The following PHKB variants were observed in gnomAD, a reference collection of about 807,000 sequenced individuals.
PHKB encodes phosphorylase kinase regulatory subunit beta, also known as phosphorylase b kinase regulatory subunit beta.
A neutral mutation model predicts 152.1 loss-of-function variants in PHKB; 122 were observed. The ratio of observed to expected loss-of-function variants is 0.80; its 90% CI spans 0.69 to 0.93. The LOEUF is 0.93. Ranked by LOEUF, PHKB falls within the 40% of genes least tolerant of loss-of-function variation. The pLI is 0.00. For synonymous variants in PHKB, 436 were observed against 464.9 expected (o/e 0.94, Z 0.80); for missense variants, 1,304 against 1,328.4 (o/e 0.98, Z 0.29).
In PHKB at chr16:47,627,293, A is replaced by T. The variant is rs180839536; in HGVS notation, c.1459-13742A>T. Among the ~76,000 whole-genome samples, 20 of 152,308 alleles carry T rather than the reference A, an allele frequency of 1.3e-4. No homozygotes were observed. The East Asian group carries it at 3.9e-3, about 29-fold the overall frequency. ...GAACACCGTAGGTCAGAGTTTCTCCACCTGGGTTCATGTGGCCATTTTGGC... is the reference window on the plus strand; with the variant it reads ...GAACACCGTAGGTCAGAGTTTCTCCTCCTGGGTTCATGTGGCCATTTTGGC... On this transcript the variant is annotated intron_variant, in intron 14 of 30. Transcript: ENST00000323584.
chr16:47,493,028 C>G lies in PHKB; in HGVS notation c.77-4371C>G, dbSNP rs535708100. On this transcript the variant is annotated intron_variant, in intron 1 of 30. Transcript: ENST00000323584. ...AAGCCAAAGTCTTGCTAGCTGGCTT[C>G]CGCCTCATAGATTGAATCCTAGGTA... Among the ~76,000 whole-genome samples the G allele has an allele frequency of 2.6e-5, 4 of 152,344 alleles. No individual in the cohort carries two copies. In the South Asian group the frequency reaches 8.3e-4, roughly 32 times the overall value.
At chr16:47,554,282 C>G (rs535078419) in intron 7 of PHKB, among the ~76,000 whole-genome samples, 1 of 152,294 alleles carries the variant, frequency 6.6e-6, no homozygotes, top group South Asian at 2.1e-4. Context: ...GGACTCTGCC[C>G]AGTTGGAACT....
intron 4 of PHKB, among the ~76,000 whole-genome samples, chr16:47,507,963 C>A (rs761425613): frequency 6.6e-6 from 1 of 152,088 alleles, no homozygotes; most frequent in Non-Finnish European, 1.5e-5. Flanking sequence ...GTTGGTCTTC[C>A]CTTGAAACTG....
At chr16:47,597,479 C>T (rs532570981) in intron 13 of PHKB, among the ~76,000 whole-genome samples, 1 of 152,006 alleles carries the variant, frequency 6.6e-6, no homozygotes, top group African/African-American at 2.4e-5. Flanking sequence ...ATGCTGTTTT[C>T]AGTTTGCTCC....
intron 1 of PHKB, chr16:47,464,244 C>T (rs1969628582): frequency 2.3e-5 from 12 of 517,478 alleles, no homozygotes; most frequent in Non-Finnish European, 4.2e-5. Context: ...AGAGGCAGTT[C>T]CTTAGTGTCT....
At chr16:47,475,946 C>T (rs971213574) in intron 1 of PHKB, among the ~76,000 whole-genome samples, 1 of 152,142 alleles carries the variant, frequency 6.6e-6, no homozygotes, top group African/African-American at 2.4e-5. Context: ...TAGCTCATTG[C>T]AGCCTTGAAC....
intron 11 of PHKB, 123 bp downstream of exon 11, chr16:47,593,680 C>A: frequency 7.2e-6 from 5 of 699,280 alleles, no homozygotes; most frequent in Admixed American, 4.2e-5. Flanking sequence ...AAATAGACTG[C>A]GCTTCAGTGA....
intron 3 of PHKB, among the ~76,000 whole-genome samples, chr16:47,500,555 C>A (rs1970307859): frequency 6.6e-6 from 1 of 152,142 alleles, no homozygotes; most frequent in Non-Finnish European, 1.5e-5. Flanking sequence ...AAGTACTTAA[C>A]AAATTTGTTC....
chr16:47,561,901 A>G (rs1049022746), intron 7 of PHKB: 4 of 152,106 alleles, frequency 2.6e-5, no homozygotes, highest in Admixed American at 1.3e-4. Context: ...ATATTTGCCA[A>G]TTTTCTGAAG....
At chr16:47,471,139 C>T (rs549027279) in intron 1 of PHKB, among the ~76,000 whole-genome samples, 2 of 152,124 alleles carry the variant, frequency 1.3e-5, no homozygotes, top group Non-Finnish European at 2.9e-5. Context: ...GAAAGCCTCT[C>T]TGGAAGTGAT....
intron 1 of PHKB, among the ~76,000 whole-genome samples, chr16:47,468,841 C>CT (rs1969715008): frequency 6.6e-6 from 1 of 152,166 alleles, no homozygotes; most frequent in African/African-American, 2.4e-5. Context: ...TGTAGTATAG[C>CT]TTTTTAGGCT....
chr16:47,650,041 GA>G lies in PHKB; in HGVS notation c.1798-501del, dbSNP rs565770135. On this transcript the variant is annotated intron_variant, in intron 18 of 30. Transcript: ENST00000323584. ...CTGTAAAATAAATCCCTAGTAATAT[GA>G]AGTGAGTTAATCTTCTGGACGGCTG... Among the ~76,000 whole-genome samples, 4 of 152,242 alleles carry G rather than the reference GA, an allele frequency of 2.6e-5. No homozygotes were observed. The South Asian group carries it at 8.3e-4, about 32-fold the overall frequency.
intron 1 of PHKB, among the ~76,000 whole-genome samples, chr16:47,484,360 T>A (rs999243328): frequency 6.6e-6 from 1 of 152,232 alleles, no homozygotes; most frequent in South Asian, 2.1e-4. Flanking sequence ...TTATTTTACA[T>A]GTGAAATATG....
chr16:47,629,745 T>C (rs1172747741), intron 14 of PHKB, among the ~76,000 whole-genome samples: 1 of 152,328 alleles, frequency 6.6e-6, no homozygotes, highest in East Asian at 1.9e-4. Flanking sequence ...TGCGGCATTA[T>C]TCACAATAGC....
chr16:47,694,133 C>G (rs941913880), intron 28 of PHKB, among the ~76,000 whole-genome samples: 4 of 152,330 alleles, frequency 2.6e-5, no homozygotes, highest in African/African-American at 9.6e-5. Context: ...GACAGACAAT[C>G]ACTTACTTCA....
At chr16:47,467,075 A>G (rs1473679549) in intron 1 of PHKB, among the ~76,000 whole-genome samples, 1 of 152,222 alleles carries the variant, frequency 6.6e-6, no homozygotes, top group Non-Finnish European at 1.5e-5. Flanking sequence ...ATCAAACAAG[A>G]TGTTATATGC....
Position 47,648,591 on chromosome 16 carries a change from C to A in PHKB, c.1667C>A (p.Pro556His), listed in dbSNP as rs755777778. The A allele has an allele frequency of 6.2e-7, 1 of 1,612,612 alleles. No homozygotes were observed. Among genetic ancestry groups the A allele is most frequent in the South Asian group, 1.1e-5 (1 of 91,042 alleles). Reference sequence around the variant, plus strand: ...GGACTCTCTGGAAGGCCAGACAGGCCCATTGGCTGCCTCGGGACATCAAAG... The same window carrying A: ...GGACTCTCTGGAAGGCCAGACAGGCACATTGGCTGCCTCGGGACATCAAAG... Reference protein sequence around the residue: ...KLGLSGRPDRPIGCLGTSKIY... With the variant: ...KLGLSGRPDRHIGCLGTSKIY... Residue 556 changes from proline (P) to histidine (H), a missense_variant, in exon 17 of 31, where the codon CCC (proline) becomes CAC (histidine). Coordinates refer to ENST00000323584, the MANE Select transcript of PHKB (RefSeq NM_000293.3).
At chr16:47,623,614 G>C (rs1212002651) in intron 14 of PHKB, among the ~76,000 whole-genome samples, 1 of 148,458 alleles carries the variant, frequency 6.7e-6, no homozygotes, top group Non-Finnish European at 1.5e-5. Context: ...GCCCAGGCTG[G>C]AGTGCAATGG....
chr16:47,618,918 G>C (rs1273593785), intron 14 of PHKB, among the ~76,000 whole-genome samples: 1 of 152,126 alleles, frequency 6.6e-6, no homozygotes, highest in East Asian at 1.9e-4. Flanking sequence ...CTTCCTCAAA[G>C]AGGTCCTGAG....
Sources: allele counts gnomAD v4.1 joint callset (sites outside exome capture counted in the v4.1 genomes callset), GRCh38; gene constraint gnomAD v4.1.1; transcripts MANE v1.5; gene names NCBI Gene and HGNC (gene_info 2026-07-23, HGNC 2026-07-21).